Variants in CRIM1 observed in about 807,000 individuals in gnomAD.
CRIM1 encodes the protein cysteine-rich motor neuron 1 protein.
CRIM1 carries 32 observed loss-of-function variants against 116.4 expected under a neutral mutation model. The observed-to-expected ratio is 0.27, with a 90% confidence interval of 0.21 to 0.37. The LOEUF (loss-of-function observed/expected upper bound fraction) is 0.37, where lower values mean the gene tolerates loss of function less well. CRIM1 is among the 10% of genes least tolerant of loss of function. CRIM1 has a pLI of 1.00. For missense variants in CRIM1, 1,331 were observed against 1,354.8 expected (o/e 0.98, Z 0.28); for synonymous variants, 590 against 509.2 (o/e 1.16, Z -2.13).
chr2:36,402,788 GAAATC>G (rs765438992), intron 2 of CRIM1, among the ~76,000 whole-genome samples: 6 of 151,404 alleles, frequency 4.0e-5, no homozygotes, highest in African/African-American at 7.3e-5. Context: ...GAGGGAAAGA[GAAATC>G]AAAGAGTACT....
rs538189414 is a variant in CRIM1, at chr2:36,550,999, T to G, written c.*2298T>G. 1.3e-5 allele frequency: 2 copies of G among 152,778 alleles called. No homozygotes were observed. Among genetic ancestry groups the G allele is most frequent in the African/African-American group, 4.8e-5 (2 of 41,578 alleles). The allele number at this position is 152,778 out of a possible 1,614,324, so 9.5% of individuals were successfully genotyped here. On this transcript the variant is annotated 3_prime_UTR_variant, in exon 17 of 17. Coordinates refer to ENST00000280527, the MANE Select transcript of CRIM1 (RefSeq NM_016441.3). The stretch of plus-strand genomic sequence containing the variant: ...CTTGTAAAAGAAAAATATAATTTCC[T>G]GAAGAATAAAATAGATATATGGCAC...
chr2:36,391,041 G>T (rs1168265278), intron 1 of CRIM1, among the ~76,000 whole-genome samples: 1 of 151,314 alleles, frequency 6.6e-6, no homozygotes, highest in Non-Finnish European at 1.5e-5. Context: ...AACTCCTGGG[G>T]TGAAGTCATC....
At chr2:36,532,194 C>CA (rs1666166098) in intron 13 of CRIM1, among the ~76,000 whole-genome samples, 1 of 152,210 alleles carries the variant, frequency 6.6e-6, no homozygotes, top group South Asian at 2.1e-4. Context: ...AGGAAAATTC[C>CA]AAAGCTGTGC....
chr2:36,491,024 C>G (rs7599298), intron 7 of CRIM1, among the ~76,000 whole-genome samples: 66 of 152,320 alleles, frequency 4.3e-4, no homozygotes, highest in African/African-American at 1.3e-3. Flanking sequence ...GTGCCCATAA[C>G]TTCACGCAGT....
intron 8 of CRIM1, among the ~76,000 whole-genome samples, chr2:36,508,276 T>G (rs1681570265): frequency 1.3e-5 from 2 of 152,206 alleles, no homozygotes; most frequent in Admixed American, 1.3e-4. Flanking sequence ...TAAATCACAT[T>G]TTCCTTCTTA....
intron 1 of CRIM1, among the ~76,000 whole-genome samples, chr2:36,368,449 C>T (rs935513702): frequency 1.3e-5 from 2 of 152,216 alleles, no homozygotes; most frequent in African/African-American, 2.4e-5. Flanking sequence ...AGCGGCAGGA[C>T]GTTGAGCAAG....
chr2:36,479,743 A>T, intron 7 of CRIM1, 49 bp downstream of exon 7: 1 of 1,554,734 alleles, frequency 6.4e-7, no homozygotes, highest in South Asian at 1.1e-5. Context: ...CTTCTGTTGG[A>T]GAAGCTTCTA....
At chr2:36,429,177 C>T (rs369458404) in intron 2 of CRIM1, among the ~76,000 whole-genome samples, 16 of 152,340 alleles carry the variant, frequency 1.1e-4, no homozygotes, top group East Asian at 9.6e-4. Context: ...TCATGACACT[C>T]TTATTGCACA....
intron 13 of CRIM1, among the ~76,000 whole-genome samples, chr2:36,532,403 A>G (rs1666178633): frequency 6.6e-6 from 1 of 152,134 alleles, no homozygotes; most frequent in African/African-American, 2.4e-5. Flanking sequence ...TTGTGAGGGG[A>G]GAGAGAAGTG....
Position 36,442,917 on chromosome 2 carries a change from G to A in CRIM1, c.869+182G>A, listed in dbSNP as rs569798450. ...TGTATCTTTCCTCAGATCAAAACCAGGTGTCATCAGGTTAAGTCGTTAAAC... is the reference window on the plus strand; with the variant it reads ...TGTATCTTTCCTCAGATCAAAACCAAGTGTCATCAGGTTAAGTCGTTAAAC... On this transcript the variant is annotated intron_variant, in intron 4 of 16. Transcript: ENST00000280527. Among the ~76,000 whole-genome samples, 23 of 152,260 alleles carry A rather than the reference G, an allele frequency of 1.5e-4. No individual in the cohort carries two copies. In the East Asian group the frequency reaches 3.5e-3, roughly 23 times the overall value.
chr2:36,510,052 C>T lies in CRIM1; in HGVS notation c.1571C>T (p.Ala524Val), dbSNP rs1681708547. 1 of 1,613,976 alleles carries T rather than the reference C, an allele frequency of 6.2e-7. No individual in the cohort carries two copies. Among genetic ancestry groups the T allele is most frequent in the Non-Finnish European group, 8.5e-7 (1 of 1,179,980 alleles). Residue 524 changes from alanine to valine, a missense_variant, in exon 9 of 17, where the codon GCC becomes GTC. Ala to Val is a moderately conservative substitution (Grantham distance 64, BLOSUM62 0). Around this residue, in one of 3 missense-constraint regions of CRIM1, gnomAD observed 358 missense variants for 436.1 expected, o/e 0.82. Transcript: ENST00000280527. ...LNCPFGFLTDAQNCEICECRP... is the reference protein window; with the variant it reads ...LNCPFGFLTDVQNCEICECRP... ...TGTCCCTTCGGTTTCCTTACTGATG[C>T]CCAAAACTGTGAGATCTGTGAGTGC...
intron 13 of CRIM1, among the ~76,000 whole-genome samples, chr2:36,536,790 C>A (rs955565585): frequency 6.7e-6 from 1 of 148,430 alleles, no homozygotes; most frequent in Non-Finnish European, 1.5e-5. Flanking sequence ...TTCTCAAAAA[C>A]CAGTTTTCTG....
intron 7 of CRIM1, among the ~76,000 whole-genome samples, chr2:36,496,912 G>A (rs1411321804): frequency 2.0e-5 from 3 of 152,128 alleles, no homozygotes; most frequent in Non-Finnish European, 4.4e-5. Context: ...TTAAAAAACA[G>A]CACATACATC....
intron 5 of CRIM1, among the ~76,000 whole-genome samples, chr2:36,475,529 G>A (rs1009141439): frequency 1.3e-5 from 2 of 152,122 alleles, no homozygotes; most frequent in African/African-American, 4.8e-5. Flanking sequence ...TGCAATTAGA[G>A]ATAGTTTTAC....
rs1664935632 is a variant in CRIM1 at position 36,514,878 on chromosome 2, C to T, written c.1990+1113C>T. ...CTCAATAGCTACAGTATCAGAGTGA[C>T]AGGCAGCTCCCATACCTTGTAGAAA... On this transcript the variant is annotated intron_variant, in intron 11 of 16. Transcript: ENST00000280527. 2.0e-5 allele frequency among the ~76,000 whole-genome samples: 3 copies of T among 152,220 alleles called. No individual in the cohort carries two copies. The South Asian group carries it at 6.2e-4, about 32-fold the overall frequency.
At chr2:36,522,801 CAAA>C (rs1388959317) in intron 13 of CRIM1, among the ~76,000 whole-genome samples, 1 of 107,532 alleles carries the variant, frequency 9.3e-6, no homozygotes, top group Non-Finnish European at 1.9e-5. Context: ...GACTCCATCT[CAAA>C]AAAAAAAAAA....
chr2:36,483,789 C>T (rs1406247563), intron 7 of CRIM1, among the ~76,000 whole-genome samples: 1 of 152,190 alleles, frequency 6.6e-6, no homozygotes, highest in Non-Finnish European at 1.5e-5. Context: ...AAGTCCCAAC[C>T]AGACCCTTCA....
At chr2:36,438,143 CAAA>C (rs11409271) in intron 2 of CRIM1, among the ~76,000 whole-genome samples, 1 of 135,150 alleles carries the variant, frequency 7.4e-6, no homozygotes, top group African/African-American at 2.7e-5. Flanking sequence ...AAAAAAAAAA[CAAA>C]AAAAAAGAGT....
chr2:36,413,920 AGAAT>A (rs545539600), intron 2 of CRIM1, among the ~76,000 whole-genome samples: 54 of 152,354 alleles, frequency 3.5e-4, no homozygotes, highest in Non-Finnish European at 6.8e-4. Flanking sequence ...TAAGCTTTGC[AGAAT>A]GAAACGGTGA....
Sources: allele counts gnomAD v4.1 joint callset (sites outside exome capture counted in the v4.1 genomes callset), GRCh38; gene constraint gnomAD v4.1.1; regional missense constraint gnomAD v4.1.1; transcripts MANE v1.5; gene names NCBI Gene and HGNC (gene_info 2026-07-23, HGNC 2026-07-21).